The following KIF26B variants were observed in gnomAD, a reference collection of about 807,000 sequenced individuals.
KIF26B encodes kinesin-like protein KIF26B.
KIF26B carries 63 observed loss-of-function variants against 151.2 expected under a neutral mutation model. That is an observed-to-expected ratio of 0.42 (90% CI 0.34 to 0.51). KIF26B has a LOEUF of 0.51. Ranked by LOEUF, KIF26B falls within the 20% of genes least tolerant of loss-of-function variation. The pLI is 0.07. For synonymous variants in KIF26B, 1,357 were observed against 1,262.1 expected, an observed-to-expected ratio of 1.08 and a Z score of -1.59; for missense variants, 2,813 against 2,913.6, an observed-to-expected ratio of 0.97 and a Z score of 0.79.
intron 4 of KIF26B, among the ~76,000 whole-genome samples, chr1:245,485,531 C>T (rs1201312915): frequency 1.3e-5 from 2 of 151,952 alleles, no homozygotes; most frequent in African/African-American, 4.8e-5. Context: ...TTACAGGCGC[C>T]TGCCACCACT....
chr1:245,422,470 C>A, intron 4 of KIF26B, among the ~76,000 whole-genome samples: 1 of 152,156 alleles, frequency 6.6e-6, no homozygotes, highest in South Asian at 2.1e-4. Context: ...TGTCAAGAGG[C>A]AGAACCAGGG....
rs777553792 is a variant in KIF26B at position 245,339,676 on chromosome 1, T to C, written c.466-27158T>C. Among the ~76,000 whole-genome samples, 2 of 152,230 alleles carry C rather than the reference T, an allele frequency of 1.3e-5. 1 individual carries two copies. On this transcript the variant is annotated intron_variant, in intron 2 of 14. Coordinates refer to ENST00000407071, the MANE Select transcript of KIF26B (RefSeq NM_018012.4). ...AATTTTTAGTATAGTCACAAAATCATGAATATATATTTTCACCTTGTTTTA... is the reference window on the plus strand; with the variant it reads ...AATTTTTAGTATAGTCACAAAATCACGAATATATATTTTCACCTTGTTTTA...
In KIF26B at chr1:245,173,686, T is replaced by C. The variant is rs1408002372; in HGVS notation, c.465+17003T>C. Among the ~76,000 whole-genome samples, 10 of 152,320 alleles carry C rather than the reference T, an allele frequency of 6.6e-5. No homozygotes were observed. In the South Asian group the frequency reaches 2.1e-3, roughly 32 times the overall value. On this transcript the variant is annotated intron_variant, in intron 2 of 14. Coordinates refer to ENST00000407071, the MANE Select transcript of KIF26B (RefSeq NM_018012.4). ...TCCCTGTGAGGCTCACTGCAGTCCC[T>C]TGGAGGGAAAGGGGATGCTATTGAG...
At position 245,367,115 on chromosome 1, in the gene KIF26B, C is replaced by T. The variant is rs377328018; in HGVS notation, c.747C>T (p.Pro249=). 100 of 1,591,262 alleles carry T rather than the reference C, an allele frequency of 6.3e-5. 1 individual carries two copies. In the South Asian group the frequency reaches 6.8e-4, roughly 11 times the overall value. Residue 249 remains proline, a synonymous_variant, in exon 3 of 15, where the codon CCC becomes CCT. Transcript: ENST00000407071. This position sits in a 1 kb window ranked among gnomAD's most constrained non-coding sequence, Gnocchi z 4.2. ...LQQPRDWAFV[P]APCATSNYTG... is the part of the protein sequence containing the mutation. The stretch of plus-strand genomic sequence containing the variant: ...AGCCCAGAGACTGGGCCTTTGTGCC[C>T]GCCCCCTGTGCCACCTCCAACTACA...
intron 9 of KIF26B, among the ~76,000 whole-genome samples, chr1:245,615,744 G>C (rs184880599): frequency 6.9e-4 from 105 of 152,304 alleles, no homozygotes; most frequent in Non-Finnish European, 1.3e-3. Context: ...TCCAGGGGTC[G>C]TGCGATCGGC....
Position 245,686,249 on chromosome 1 carries a change from G to A in KIF26B, c.3266G>A (p.Cys1089Tyr), listed in dbSNP as rs748291953. The A allele has an allele frequency of 1.2e-5, 20 of 1,612,672 alleles. No individual in the cohort carries two copies. The highest frequency in any genetic ancestry group is 1.6e-5 in the Non-Finnish European group (19 of 1,179,902). Reference protein sequence around the residue: ...YKPPSSPSQRCKVYTQKGVLP... With the variant: ...YKPPSSPSQRYKVYTQKGVLP... ...CCACCCAGCTCTCCTTCCCAGAGAT[G>A]CAAAGTCTACACCCAGAAGGGGGTC... Residue 1089 changes from cysteine (C) to tyrosine (Y), a missense_variant, in exon 12 of 15, where the codon TGC (cysteine) becomes TAC (tyrosine). By Grantham distance (194) the Cys-to-Tyr change is radical. Coordinates refer to ENST00000407071, the MANE Select transcript of KIF26B (RefSeq NM_018012.4). The surrounding 1 kb of genome is among the most constrained non-coding windows in gnomAD (Gnocchi z 5.6).
At chr1:245,179,191 G>A (rs749861785) in intron 2 of KIF26B, among the ~76,000 whole-genome samples, 96 of 152,216 alleles carry the variant, frequency 6.3e-4, no homozygotes, top group African/African-American at 1.2e-3. Context: ...ATAAAATAGC[G>A]TTTGAAATTC....
chr1:245,619,763 A>G (rs572984045), intron 9 of KIF26B, among the ~76,000 whole-genome samples: 108 of 151,396 alleles, frequency 7.1e-4, no homozygotes, highest in African/African-American at 2.4e-3. Flanking sequence ...AAATACAAAA[A>G]TTAGCCAGGC....
intron 5 of KIF26B, among the ~76,000 whole-genome samples, chr1:245,559,285 C>G (rs1303431675): frequency 6.6e-6 from 1 of 152,142 alleles, no homozygotes; most frequent in Non-Finnish European, 1.5e-5. Flanking sequence ...CTCCGGTGAG[C>G]CTGTGATTGT....
chr1:245,652,130 GT>G (rs2044024371), intron 10 of KIF26B, among the ~76,000 whole-genome samples: 2 of 139,658 alleles, frequency 1.4e-5, no homozygotes, highest in African/African-American at 3.0e-5. Context: ...GTGTGTGTGT[GT>G]GTGTGTGTGT....
chr1:245,374,205 C>T (rs1291901659), intron 3 of KIF26B, among the ~76,000 whole-genome samples: 1 of 135,866 alleles, frequency 7.4e-6, no homozygotes, highest in African/African-American at 2.8e-5. Flanking sequence ...ATGACAGGAC[C>T]TCTGCGGTGC....
intron 2 of KIF26B, among the ~76,000 whole-genome samples, chr1:245,208,914 C>T (rs1190834138): frequency 6.6e-6 from 1 of 152,196 alleles, no homozygotes; most frequent in Non-Finnish European, 1.5e-5. Flanking sequence ...TGTTTAAACA[C>T]TGTGTGGCCA....
intron 5 of KIF26B, among the ~76,000 whole-genome samples, chr1:245,554,506 C>G (rs997150338): frequency 1.3e-5 from 2 of 152,214 alleles, no homozygotes; most frequent in Non-Finnish European, 2.9e-5. Context: ...AACATGGTCT[C>G]TATCCTTAAG....
intron 3 of KIF26B, among the ~76,000 whole-genome samples, chr1:245,378,623 A>G (rs967858746): frequency 6.6e-6 from 1 of 152,206 alleles, no homozygotes; most frequent in Non-Finnish European, 1.5e-5. Flanking sequence ...GGGAGTATGC[A>G]GGCTCCATGG....
chr1:245,685,962 C>T lies in KIF26B; in HGVS notation c.2979C>T (p.Gly993=). Residue 993 remains glycine (G), a synonymous_variant, in exon 12 of 15, where the codon GGC becomes GGT. Coordinates refer to ENST00000407071, the MANE Select transcript of KIF26B (RefSeq NM_018012.4). ...GSEGQLTNRE[G]PELPASKMQR... The stretch of plus-strand genomic sequence containing the variant: ...AAGGTCAGCTGACCAACAGAGAAGG[C>T]CCTGAACTCCCAGCCTCCAAGATGC... 1 of 1,604,662 alleles carries T rather than the reference C, an allele frequency of 6.2e-7. No homozygotes were observed. Among genetic ancestry groups the T allele is most frequent in the Non-Finnish European group, 8.5e-7 (1 of 1,175,842 alleles).
At chr1:245,439,959 C>T (rs984387282) in intron 4 of KIF26B, among the ~76,000 whole-genome samples, 3 of 152,202 alleles carry the variant, frequency 2.0e-5, no homozygotes, top group African/African-American at 4.8e-5. Flanking sequence ...CGGTGGCTCA[C>T]GCCTGTAATC....
chr1:245,293,653 A>G (rs1558378282), intron 2 of KIF26B, among the ~76,000 whole-genome samples: 1 of 148,510 alleles, frequency 6.7e-6, no homozygotes, highest in African/African-American at 2.5e-5. Flanking sequence ...ATCTCCACTC[A>G]CCGCAACTTC....
chr1:245,198,876 A>G (rs1349240544), intron 2 of KIF26B, among the ~76,000 whole-genome samples: 1 of 64,320 alleles, frequency 1.6e-5, no homozygotes, highest in Admixed American at 1.8e-4. Flanking sequence ...CGGGGGTTCT[A>G]ATGTAGACCG....
intron 3 of KIF26B, among the ~76,000 whole-genome samples, chr1:245,415,556 C>T (rs2103033969): frequency 6.6e-6 from 1 of 152,228 alleles, no homozygotes; most frequent in African/African-American, 2.4e-5. Context: ...CAGGGAGGCG[C>T]CTTCTCGCTC....
Sources: allele counts gnomAD v4.1 joint callset (sites outside exome capture counted in the v4.1 genomes callset), GRCh38; gene constraint gnomAD v4.1.1; non-coding constraint Gnocchi (gnomAD v3.1); transcripts MANE v1.5; gene names NCBI Gene and HGNC (gene_info 2026-07-23, HGNC 2026-07-21).